Variants in SH3GL3 observed in about 807,000 individuals in gnomAD.
SH3GL3 encodes endophilin-A3.
SH3GL3 carries 33 observed loss-of-function variants against 47.7 expected under a neutral mutation model. The observed-to-expected ratio is 0.69, with a 90% CI of 0.52 to 0.92. SH3GL3 has a LOEUF of 0.92. Among genes scored for constraint, SH3GL3 ranks in the 40% least tolerant of loss-of-function variants. The probability of loss-of-function intolerance (pLI) is 0.00; values close to 1 mark genes in which losing one functional copy is unlikely to be tolerated. For synonymous variants in SH3GL3, 155 were observed against 148.8 expected (o/e 1.04, Z -0.30); for missense variants, 363 against 417.8 (o/e 0.87, Z 1.14).
At chr15:83,517,992 A>C (rs1223814608) in intron 1 of SH3GL3, among the ~76,000 whole-genome samples, 1 of 152,192 alleles carries the variant, frequency 6.6e-6, no homozygotes, top group Non-Finnish European at 1.5e-5. Flanking sequence ...ATAAGTGAGA[A>C]CATGCAGTAT....
rs1459069703 is a variant in SH3GL3, at chr15:83,566,365, A to AGAGAGT, written c.187+1160_187+1161insAGAGTG. Among the ~76,000 whole-genome samples, 816 of 136,664 alleles carry AGAGAGT rather than the reference A, an allele frequency of 6.0e-3. 3 individuals are homozygous for AGAGAGT. The highest frequency in any genetic ancestry group is 0.03 in the East Asian group (139 of 4,604). 89.7% of individuals were successfully genotyped at this position (136,664 alleles called of 152,430 possible). ...GATGGGCAGAGAGAGAGAGAGAGAG[A>AGAGAGT]GTGTGTGTGTGTGTGTGTGTGTGTG... On this transcript the variant is annotated intron_variant, in intron 3 of 8. Transcript: ENST00000427482.
intron 1 of SH3GL3, among the ~76,000 whole-genome samples, chr15:83,550,347 A>G (rs1027339071): frequency 2.6e-5 from 4 of 152,304 alleles, no homozygotes; most frequent in Middle Eastern, 3.4e-3. Flanking sequence ...CACATCTTAC[A>G]TATATGTGCC....
At chr15:83,569,510 A>G (rs1339399515) in intron 4 of SH3GL3, among the ~76,000 whole-genome samples, 1 of 152,230 alleles carries the variant, frequency 6.6e-6, no homozygotes, top group Non-Finnish European at 1.5e-5. Context: ...GACATAATTT[A>G]GATAACATGT....
intron 2 of SH3GL3, among the ~76,000 whole-genome samples, chr15:83,560,818 T>A (rs530212444): frequency 6.6e-6 from 1 of 152,136 alleles, no homozygotes; most frequent in African/African-American, 2.4e-5. Context: ...TAATTAATGC[T>A]AACCATATAA....
At chr15:83,560,454 A>G (rs979251638) in intron 2 of SH3GL3, among the ~76,000 whole-genome samples, 3 of 152,112 alleles carry the variant, frequency 2.0e-5, no homozygotes, top group Non-Finnish European at 4.4e-5. Flanking sequence ...CACCATTGAC[A>G]TACCTTAAAT....
intron 8 of SH3GL3, among the ~76,000 whole-genome samples, chr15:83,595,246 C>T (rs917685541): frequency 6.6e-6 from 1 of 152,110 alleles, no homozygotes; most frequent in African/African-American, 2.4e-5. Flanking sequence ...TGAACTAACT[C>T]AGGAACAGAA....
At position 83,473,855 on chromosome 15, in the gene SH3GL3, C is replaced by CTT. The variant is rs369520024; in HGVS notation, c.45+26290_45+26291dup. 1.6e-3 allele frequency among the ~76,000 whole-genome samples: 220 copies of CTT among 139,238 alleles called. 3 individuals are homozygous for CTT. In the East Asian group the frequency reaches 0.026, roughly 17 times the overall value. The allele number at this position is 139,238 out of a possible 152,430, so 91.3% of individuals were successfully genotyped here. On this transcript the variant is annotated intron_variant, in intron 1 of 8. Coordinates refer to ENST00000427482, the MANE Select transcript of SH3GL3 (RefSeq NM_003027.5). ...AGCCACCGCGCCCGGCCTGTTGGGG[C>CTT]TTTTTTTTTTTTTTATGTCCATGCG...
intron 1 of SH3GL3, among the ~76,000 whole-genome samples, chr15:83,518,399 T>G (rs188426512): frequency 7.9e-5 from 12 of 152,356 alleles, no homozygotes; most frequent in Admixed American, 7.8e-4. Context: ...CACCATTATC[T>G]GTTGTTTTTT....
intron 1 of SH3GL3, among the ~76,000 whole-genome samples, chr15:83,472,757 G>GT (rs150604610): frequency 0.035 from 5,361 of 152,122 alleles, 142 homozygotes; most frequent in Non-Finnish European, 0.052. Flanking sequence ...CATGATTATT[G>GT]TTTTATTAAA....
Position 83,618,267 on chromosome 15 carries a change from A to G in SH3GL3, c.1024A>G (p.Ile342Val), listed in dbSNP as rs750152146. 2 of 1,608,036 alleles carry G rather than the reference A, an allele frequency of 1.2e-6. No homozygotes were observed. The highest frequency in any genetic ancestry group is 2.2e-5 in the South Asian group (2 of 90,974). Residue 342 changes from isoleucine to valine, a missense_variant, in exon 9 of 9, where the codon ATC becomes GTC. Ile to Val is a conservative substitution (Grantham distance 29). Transcript: ENST00000427482. ...GFFPINYVEV[I>V]VPLPQ ...CTTCCCCATTAATTACGTGGAAGTG[A>G]TCGTGCCTTTACCTCAGTAAATGTG... is the stretch of plus-strand genomic sequence containing the variant.
rs549623015 is a variant in SH3GL3, at chr15:83,505,374, C to T, written c.46-53879C>T. Among the ~76,000 whole-genome samples the T allele has an allele frequency of 3.9e-5, 6 of 152,116 alleles. No homozygotes were observed. In the South Asian group the frequency reaches 1.2e-3, roughly 32 times the overall value. On this transcript the variant is annotated intron_variant, in intron 1 of 8. Coordinates refer to ENST00000427482, the MANE Select transcript of SH3GL3 (RefSeq NM_003027.5). ...CGTGAAAGTTCCCATTATTTTACAT[C>T]CTTGCCAATCCGTGGTATTATTGGT...
At chr15:83,566,524 C>G (rs2045556327) in intron 3 of SH3GL3, among the ~76,000 whole-genome samples, 1 of 152,118 alleles carries the variant, frequency 6.6e-6, no homozygotes. Context: ...CCTGTAATCC[C>G]AGCACTTTGG....
At chr15:83,622,375 T>G (rs533339922), downstream of SH3GL3, among the ~76,000 whole-genome samples, 23 of 152,240 alleles carry the variant, frequency 1.5e-4, no homozygotes, top group Non-Finnish European at 3.1e-4. Flanking sequence ...ATTCTCTAGA[T>G]GTCACATTAG....
chr15:83,569,744 G>T (rs1205231622), intron 4 of SH3GL3, among the ~76,000 whole-genome samples: 1 of 152,070 alleles, frequency 6.6e-6, no homozygotes, highest in Non-Finnish European at 1.5e-5. Context: ...TCTCATTGCT[G>T]TTTTAACTCC....
intron 2 of SH3GL3, among the ~76,000 whole-genome samples, chr15:83,564,499 C>T (rs1396469219): frequency 6.6e-6 from 1 of 151,994 alleles, no homozygotes; most frequent in Non-Finnish European, 1.5e-5. Context: ...TGTTTATTCC[C>T]ATATTAACTC....
chr15:83,569,392 A>G (rs1280507917), intron 4 of SH3GL3, among the ~76,000 whole-genome samples: 1 of 152,218 alleles, frequency 6.6e-6, no homozygotes, highest in African/African-American at 2.4e-5. Context: ...TGTTCAGTCA[A>G]TCCCATTTAC....
rs540912340 is a variant in SH3GL3, at chr15:83,461,123, A to C, written c.45+13545A>C. Among the ~76,000 whole-genome samples the C allele has an allele frequency of 1.2e-4, 18 of 152,260 alleles. No individual in the cohort carries two copies. The East Asian group carries it at 3.1e-3, about 26-fold the overall frequency. On this transcript the variant is annotated intron_variant, in intron 1 of 8. Transcript: ENST00000427482. ...TACTGTACACAATAGAAGTAACTAA[A>C]TTTCCTTGTTAATTGTTTGTTACAA...
chr15:83,588,592 G>C, intron 7 of SH3GL3, 70 bp from the exon 8 acceptor site: 1 of 953,620 alleles, frequency 1.0e-6, no homozygotes, highest in Non-Finnish European at 1.7e-6. Context: ...GCTCAACAAG[G>C]CAGAGAGGAT....
intron 1 of SH3GL3, among the ~76,000 whole-genome samples, chr15:83,514,829 T>G (rs2042914119): frequency 1.3e-5 from 2 of 152,080 alleles, no homozygotes; most frequent in Non-Finnish European, 2.9e-5. Context: ...GACTTCTGCT[T>G]GTTGGGCGTG....
Sources: gnomAD v4.1 joint callset for allele counts (sites outside exome capture counted in the v4.1 genomes callset) on GRCh38, gnomAD v4.1.1 for gene constraint, MANE v1.5 for transcripts, NCBI Gene and HGNC (gene_info 2026-07-23, HGNC 2026-07-21) for gene names.